LMNTD1: variants seen among roughly 807,000 people sequenced by gnomAD.
LMNTD1 encodes lamin tail domain containing 1.
LMNTD1 carries 35 observed loss-of-function variants against 50.9 expected under a neutral mutation model. That is an observed-to-expected ratio of 0.69 (90% CI 0.53 to 0.91). The LOEUF (loss-of-function observed/expected upper bound fraction) is 0.91, where lower values mean the gene tolerates loss of function less well. Among genes scored for constraint, LMNTD1 ranks in the 40% least tolerant of loss-of-function variants. The pLI is 0.00. For missense variants in LMNTD1, 470 were observed against 475.5 expected (o/e 0.99, Z 0.11); for synonymous variants, 153 against 161.9 (o/e 0.94, Z 0.42).
chr12:25,580,025 T>A (rs760199508), intron 1 of LMNTD1, among the ~76,000 whole-genome samples: 2 of 152,128 alleles, frequency 1.3e-5, no homozygotes, highest in Non-Finnish European at 2.9e-5. Flanking sequence ...TAAGACAAAT[T>A]TCATTATCAT....
intron 1 of LMNTD1, among the ~76,000 whole-genome samples, chr12:25,576,542 G>A (rs530261732): frequency 6.6e-6 from 1 of 152,132 alleles, no homozygotes; most frequent in East Asian, 1.9e-4. Flanking sequence ...GGGGTTGTTT[G>A]ATTTTTTTCT....
intron 4 of LMNTD1, among the ~76,000 whole-genome samples, chr12:25,534,212 A>C (rs1223135128): frequency 6.6e-6 from 1 of 152,186 alleles, no homozygotes; most frequent in Non-Finnish European, 1.5e-5. Context: ...AGTAGGAAAG[A>C]AACAACAGCT....
chr12:25,614,481 T>C (rs1946312214), intron 1 of LMNTD1, among the ~76,000 whole-genome samples: 1 of 152,212 alleles, frequency 6.6e-6, no homozygotes, highest in African/African-American at 2.4e-5. Flanking sequence ...ATCCATGAAC[T>C]GAGTTCAAGA....
chr12:25,561,659 G>A (rs909221209), intron 1 of LMNTD1, among the ~76,000 whole-genome samples: 3 of 152,136 alleles, frequency 2.0e-5, no homozygotes, highest in South Asian at 2.1e-4. Context: ...TATTAGGTCT[G>A]CTTGGTGCAG....
chr12:25,522,039 G>A (rs1164084247), intron 6 of LMNTD1, among the ~76,000 whole-genome samples: 1 of 152,070 alleles, frequency 6.6e-6, no homozygotes, highest in African/African-American at 2.4e-5. Flanking sequence ...TTAGAGGTTT[G>A]GACTTCACAC....
chr12:25,527,668 A>ATATATAT (rs1941861948), intron 4 of LMNTD1, among the ~76,000 whole-genome samples: 1 of 21,332 alleles, frequency 4.7e-5, no homozygotes, highest in African/African-American at 1.1e-4. Flanking sequence ...ATATATATAT[A>ATATATAT]TATATATATA....
At chr12:25,627,422 C>T (rs1946614185) in intron 1 of LMNTD1, among the ~76,000 whole-genome samples, 1 of 152,154 alleles carries the variant, frequency 6.6e-6, no homozygotes, top group African/African-American at 2.4e-5. Context: ...AGTCGTTAAT[C>T]AGTTCTTCTC....
At chr12:25,506,379 T>C (rs1019449829) in intron 8 of LMNTD1, among the ~76,000 whole-genome samples, 2 of 152,122 alleles carry the variant, frequency 1.3e-5, no homozygotes, top group East Asian at 1.9e-4. Context: ...GTATATGAGA[T>C]GGATTGCAGA....
At chr12:25,646,980 A>G (rs964213909) in intron 1 of LMNTD1, among the ~76,000 whole-genome samples, 4 of 152,198 alleles carry the variant, frequency 2.6e-5, no homozygotes, top group African/African-American at 9.6e-5. Context: ...CAACTAGTAA[A>G]AAGCAGAATT....
chr12:25,489,209 G>A (rs1368763753), intron 9 of LMNTD1, among the ~76,000 whole-genome samples: 3 of 151,690 alleles, frequency 2.0e-5, no homozygotes, highest in African/African-American at 4.8e-5. Flanking sequence ...GGGCAATGGC[G>A]GGCGCCCCTC....
At chr12:25,644,861 G>T (rs546839942) in intron 1 of LMNTD1, among the ~76,000 whole-genome samples, 1 of 152,236 alleles carries the variant, frequency 6.6e-6, no homozygotes, top group South Asian at 2.1e-4. Context: ...GAGACAATAT[G>T]GGCACAGAGA....
rs1231843193 is a variant in LMNTD1, at chr12:25,619,260, ATATATATATATATATATATG to A, written c.58+29214_58+29233del. Among the ~76,000 whole-genome samples, 170 of 60,106 alleles carry A rather than the reference ATATATATATATATATATATG, an allele frequency of 2.8e-3. 1 individual carries two copies. The highest frequency in any genetic ancestry group is 0.013 in the African/African-American group (146 of 11,370). The allele number at this position is 60,106 out of a possible 152,430, so 39.4% of individuals were successfully genotyped here. On this transcript the variant is annotated intron_variant, in intron 1 of 7. Transcript: ENST00000445693. Reference sequence around the variant, plus strand: ...TCTCTCTCTCTCTCTCTCTATATATATATATATATATATATATATGTATAGCTAACTAGTTTTCCAACTTT... The same window carrying A: ...TCTCTCTCTCTCTCTCTCTATATATATATAGCTAACTAGTTTTCCAACTTT...
chr12:25,555,965 CTTTTTTTTTTTT>C (rs71065954), upstream of LMNTD1, among the ~76,000 whole-genome samples: 5 of 69,410 alleles, frequency 7.2e-5, no homozygotes, highest in Non-Finnish European at 1.4e-4. Context: ...GTGCAATAAT[CTTTTTTTTTTTT>C]TTTTTTTTTT....
intron 1 of LMNTD1, among the ~76,000 whole-genome samples, chr12:25,589,589 T>C (rs1264947109): frequency 6.6e-6 from 1 of 152,230 alleles, no homozygotes; most frequent in Non-Finnish European, 1.5e-5. Flanking sequence ...TTACATATAC[T>C]TTATGTATAC....
intron 4 of LMNTD1, among the ~76,000 whole-genome samples, chr12:25,538,712 C>T (rs1277963702): frequency 1.8e-5 from 2 of 113,720 alleles, no homozygotes; most frequent in Admixed American, 1.9e-4. Context: ...GGATCAAATT[C>T]ACACATAACA....
chr12:25,559,509 T>TACAC, intron 1 of LMNTD1, among the ~76,000 whole-genome samples: 1 of 152,286 alleles, frequency 6.6e-6, no homozygotes, highest in South Asian at 2.1e-4. Context: ...TAAACATGTG[T>TACAC]GTGCATGTGT....
At chr12:25,633,017 G>A (rs1209280523) in intron 1 of LMNTD1, among the ~76,000 whole-genome samples, 1 of 133,068 alleles carries the variant, frequency 7.5e-6, no homozygotes, top group African/African-American at 2.9e-5. Flanking sequence ...AGCAGGAGTA[G>A]CAATTCTTAT....
intron 2 of LMNTD1, among the ~76,000 whole-genome samples, chr12:25,552,222 C>G (rs954643095): frequency 6.6e-6 from 1 of 152,066 alleles, no homozygotes; most frequent in Non-Finnish European, 1.5e-5. Context: ...AACATTCTTA[C>G]GGACATTTCC....
At chr12:25,539,952 C>T (rs1437280934) in intron 4 of LMNTD1, among the ~76,000 whole-genome samples, 2 of 151,458 alleles carry the variant, frequency 1.3e-5, no homozygotes, top group African/African-American at 2.4e-5. Flanking sequence ...AACACCTCTA[C>T]ACAAATAAAC....
Sources: gnomAD v4.1 joint callset for allele counts (sites outside exome capture counted in the v4.1 genomes callset) on GRCh38, gnomAD v4.1.1 for gene constraint, MANE v1.5 for transcripts, NCBI Gene and HGNC (gene_info 2026-07-23, HGNC 2026-07-21) for gene names.